GRIN2B: variants seen among roughly 807,000 people sequenced by gnomAD.
GRIN2B encodes glutamate ionotropic receptor NMDA type subunit 2B.
In GRIN2B, 5 loss-of-function variants were observed where a neutral mutation model predicts 114.5. The ratio of observed to expected loss-of-function variants is 0.04; its 90% CI spans 0.02 to 0.09. The LOEUF is 0.09. GRIN2B is among the 10% of genes least tolerant of loss of function. The probability of loss-of-function intolerance (pLI) is 1.00; values close to 1 mark genes in which losing one functional copy is unlikely to be tolerated. For synonymous variants in GRIN2B, 787 were observed against 745.1 expected (o/e 1.06, Z -0.92); for missense variants, 1,108 against 1,943.5 (o/e 0.57, Z 8.08).
intron 2 of GRIN2B, among the ~76,000 whole-genome samples, chr12:13,948,107 T>G (rs1188080065): frequency 6.6e-6 from 1 of 152,172 alleles, no homozygotes; most frequent in Non-Finnish European, 1.5e-5. Context: ...GATAAGATGG[T>G]ATCTAAAAGT....
chr12:13,823,960 C>T (rs993567507), intron 3 of GRIN2B, among the ~76,000 whole-genome samples: 1 of 152,070 alleles, frequency 6.6e-6, no homozygotes, highest in African/African-American at 2.4e-5. Context: ...AAATGTTAAA[C>T]CAACACAGTG....
chr12:13,694,392 G>C (rs765310004), intron 4 of GRIN2B, among the ~76,000 whole-genome samples: 5 of 151,960 alleles, frequency 3.3e-5, no homozygotes, highest in East Asian at 1.9e-4. Context: ...CCTATGATGT[G>C]TCAGGCACTG....
At chr12:13,686,926 T>A (rs1223949086) in intron 4 of GRIN2B, among the ~76,000 whole-genome samples, 4 of 152,146 alleles carry the variant, frequency 2.6e-5, no homozygotes, top group Admixed American at 2.6e-4. Context: ...CCCTTGGGGA[T>A]AAGTTCCTTC....
At chr12:13,699,915 T>C (rs1216095382) in intron 4 of GRIN2B, among the ~76,000 whole-genome samples, 1 of 149,596 alleles carries the variant, frequency 6.7e-6, no homozygotes, top group Non-Finnish European at 1.5e-5. Context: ...TCTAAATAAA[T>C]ACCTTTGGCA....
intron 4 of GRIN2B, among the ~76,000 whole-genome samples, chr12:13,747,828 C>T (rs2081725110): frequency 6.6e-6 from 1 of 152,202 alleles, no homozygotes; most frequent in Admixed American, 6.5e-5. Flanking sequence ...AATGACCAAG[C>T]AGCTCTTGCC....
At chr12:13,906,723 CA>C (rs1386312458) in intron 2 of GRIN2B, among the ~76,000 whole-genome samples, 2 of 152,140 alleles carry the variant, frequency 1.3e-5, no homozygotes, top group African/African-American at 4.8e-5. Context: ...ACAACAAGAA[CA>C]AACTGCTCTA....
chr12:13,603,870 T>C (rs1184744983), intron 10 of GRIN2B, among the ~76,000 whole-genome samples: 1 of 151,784 alleles, frequency 6.6e-6, no homozygotes, highest in Non-Finnish European at 1.5e-5. Flanking sequence ...CACTTGATAA[T>C]GTATAACTTT....
At chr12:13,606,899 G>GA (rs1949256962) in intron 10 of GRIN2B, among the ~76,000 whole-genome samples, 1 of 149,992 alleles carries the variant, frequency 6.7e-6, no homozygotes, top group South Asian at 2.1e-4. Flanking sequence ...AAATAAGAGA[G>GA]AAAAAAATAC....
intron 3 of GRIN2B, among the ~76,000 whole-genome samples, chr12:13,827,224 GTTTT>G (rs1354516778): frequency 5.8e-5 from 2 of 34,510 alleles, no homozygotes; most frequent in African/African-American, 2.3e-4. Context: ...CCTTATTGTT[GTTTT>G]CTTTTTTTTT....
intron 2 of GRIN2B, among the ~76,000 whole-genome samples, chr12:13,890,901 A>C (rs922548114): frequency 6.6e-6 from 1 of 152,200 alleles, no homozygotes; most frequent in Non-Finnish European, 1.5e-5. Flanking sequence ...TTGAGGCTGC[A>C]AAGTCCAGTG....
At chr12:13,612,079 T>C (rs563267560) in intron 8 of GRIN2B, among the ~76,000 whole-genome samples, 26 of 152,340 alleles carry the variant, frequency 1.7e-4, no homozygotes, top group South Asian at 1.0e-3. Context: ...CGTGAGCCTC[T>C]TAGGTTGTAG....
At chr12:13,869,491 T>C (rs1281358797) in intron 2 of GRIN2B, among the ~76,000 whole-genome samples, 1 of 152,188 alleles carries the variant, frequency 6.6e-6, no homozygotes, top group Non-Finnish European at 1.5e-5. Context: ...TTTGACCTGC[T>C]AGTCAAATAG....
At position 13,970,686 on chromosome 12, in the gene GRIN2B, AACACAC is replaced by A. The variant is rs5796570; in HGVS notation, c.-19+9236_-19+9241del. Among the ~76,000 whole-genome samples, 1,309 of 145,052 alleles carry A rather than the reference AACACAC, an allele frequency of 9.0e-3. 17 individuals carry two copies. Among genetic ancestry groups the A allele is most frequent in the African/African-American group, 0.028 (1,082 of 38,538 alleles). On this transcript the variant is annotated intron_variant, in intron 2 of 13. Transcript: ENST00000609686. ...ATTTCTCTTCTACATGCAGGCTCTA[AACACAC>A]ACACACACACACACACACACACACA...
rs535729982 is a variant in GRIN2B, at chr12:13,674,879, C to G, written c.1125+866G>C. 2.6e-4 allele frequency among the ~76,000 whole-genome samples: 40 copies of G among 152,224 alleles called. 1 individual carries two copies. The South Asian group carries it at 6.2e-3, about 24-fold the overall frequency. On this transcript the variant is annotated intron_variant, in intron 5 of 13. Transcript: ENST00000609686. ...AAGGGTTAGTATGTTCCAAGACTCT[C>G]CTAGAGTGAGAAACAGTAGGTAGCA...
In GRIN2B at chr12:13,816,190, A is replaced by C. The variant is rs139925555; in HGVS notation, c.411+49608T>G. ...AGATATTAGAGATGACAGGTCTCTA[A>C]AGGGACAGATCTTGCACCTCTAGTT... On this transcript the variant is annotated intron_variant, in intron 3 of 13. Transcript: ENST00000609686. Among the ~76,000 whole-genome samples the C allele has an allele frequency of 8.5e-3, 1,289 of 152,266 alleles. 19 individuals are homozygous for C. Among genetic ancestry groups the C allele is most frequent in the African/African-American group, 0.03 (1,260 of 41,556 alleles).
intron 10 of GRIN2B, among the ~76,000 whole-genome samples, chr12:13,578,574 C>T: frequency 6.6e-6 from 1 of 152,204 alleles, no homozygotes; most frequent in Middle Eastern, 3.2e-3. Flanking sequence ...AGTCATGCTA[C>T]ATGAAGTAGA....
chr12:13,598,715 G>A (rs1355254412), intron 10 of GRIN2B, among the ~76,000 whole-genome samples: 2 of 152,072 alleles, frequency 1.3e-5, no homozygotes, highest in Non-Finnish European at 2.9e-5. Context: ...GTGCCACACA[G>A]GTGGGAGCTT....
At chr12:13,861,579 C>G (rs1216596682) in intron 3 of GRIN2B, among the ~76,000 whole-genome samples, 1 of 152,182 alleles carries the variant, frequency 6.6e-6, no homozygotes, top group Admixed American at 6.5e-5. Context: ...TCGAAACAGT[C>G]TCTGTTACAA....
At chr12:13,678,661 C>G (rs982252508) in intron 4 of GRIN2B, among the ~76,000 whole-genome samples, 5 of 152,094 alleles carry the variant, frequency 3.3e-5, no homozygotes, top group African/African-American at 1.2e-4. Flanking sequence ...TTGCCCTGTT[C>G]CTCAGCTCTC....
Sources: allele counts gnomAD v4.1 joint callset (sites outside exome capture counted in the v4.1 genomes callset), GRCh38; gene constraint gnomAD v4.1.1; transcripts MANE v1.5; gene names NCBI Gene and HGNC (gene_info 2026-07-23, HGNC 2026-07-21).